The following CEP192 variants were observed in gnomAD, a reference collection of about 807,000 sequenced individuals.
The protein encoded by CEP192 is centrosomal protein of 192 kDa.
A neutral mutation model predicts 271.8 loss-of-function variants in CEP192; 151 were observed. The ratio of observed to expected loss-of-function variants is 0.56; its 90% confidence interval spans 0.49 to 0.64. The LOEUF (loss-of-function observed/expected upper bound fraction) is 0.64. Among genes scored for constraint, CEP192 ranks in the 30% least tolerant of loss-of-function variants. CEP192 has a pLI of 0.00. For missense variants in CEP192, 2,910 were observed against 3,020.5 expected (o/e 0.96, Z 0.86); for synonymous variants, 995 against 1,076.5 (o/e 0.92, Z 1.48).
intron 39 of CEP192, 87 bp downstream of exon 39, chr18:13,103,675 A>G (rs1352189829): frequency 9.6e-7 from 1 of 1,043,600 alleles, no homozygotes; most frequent in African/African-American, 1.6e-5. Flanking sequence ...GCATAGGTTG[A>G]TATTACTGGT....
At chr18:13,097,203 C>T (rs770265230) in intron 36 of CEP192, among the ~76,000 whole-genome samples, 1 of 152,176 alleles carries the variant, frequency 6.6e-6, no homozygotes, top group East Asian at 1.9e-4. Flanking sequence ...AGGTTCCTCA[C>T]AGCCCGCTTT....
At chr18:13,042,835 C>T (rs1358970031) in intron 15 of CEP192, among the ~76,000 whole-genome samples, 3 of 152,034 alleles carry the variant, frequency 2.0e-5, no homozygotes, top group Non-Finnish European at 4.4e-5. Flanking sequence ...GCTTTTATAT[C>T]CATTTGTATT....
chr18:13,086,525 C>A (rs918789081), intron 30 of CEP192, among the ~76,000 whole-genome samples: 1 of 152,156 alleles, frequency 6.6e-6, no homozygotes, highest in Admixed American at 6.5e-5. Context: ...CACTCTCTAA[C>A]CAGTCCCAGT....
intron 44 of CEP192, among the ~76,000 whole-genome samples, chr18:13,120,126 A>T (rs2040597849): frequency 6.6e-6 from 1 of 152,096 alleles, no homozygotes; most frequent in African/African-American, 2.4e-5. Flanking sequence ...TTCAGATTTG[A>T]CTCTTTCCAG....
intron 40 of CEP192, among the ~76,000 whole-genome samples, chr18:13,106,343 A>T (rs2039945134): frequency 6.6e-6 from 1 of 151,734 alleles, no homozygotes; most frequent in South Asian, 2.1e-4. Flanking sequence ...CATCTTCTGC[A>T]CAATGTTCAG....
intron 21 of CEP192, among the ~76,000 whole-genome samples, chr18:13,061,195 C>T (rs1272820950): frequency 6.6e-6 from 1 of 152,000 alleles, no homozygotes; most frequent in African/African-American, 2.4e-5. Context: ...TGGTGGCGGG[C>T]GCCTGTAATC....
rs1182766028 is a variant in CEP192 at position 13,087,153 on chromosome 18, C to T, written c.5753C>T (p.Thr1918Ile). ...AAAATTGTTTTTTCTGTCCGCAACA[C>T]TGGCTCCCGAGCAGCTTTTGTTAAA... ...ESKIVFSVRN[T>I]GSRAAFVKAV... The change falls in exon 31 of 45, where the codon ACT becomes ATT. Residue 1918 changes from threonine (T) to isoleucine (I), a missense_variant. By Grantham distance (89) the Thr-to-Ile change is moderately conservative. Coordinates refer to ENST00000506447, the MANE Select transcript of CEP192 (RefSeq NM_032142.4). The T allele has an allele frequency of 2.5e-6, 4 of 1,614,038 alleles. No individual in the cohort carries two copies. The highest frequency in any genetic ancestry group is 3.4e-6 in the Non-Finnish European group (4 of 1,180,014).
At chr18:13,058,977 A>G (rs1324976111) in intron 20 of CEP192, 105 bp from the exon 21 acceptor site, 4 of 739,834 alleles carry the variant, frequency 5.4e-6, no homozygotes, top group Non-Finnish European at 7.0e-6. Flanking sequence ...AAATGTTTTA[A>G]TTTGGCAGTT....
intron 1 of CEP192, among the ~76,000 whole-genome samples, chr18:12,998,029 A>C (rs1382340716): frequency 6.6e-6 from 1 of 152,138 alleles, no homozygotes; most frequent in African/African-American, 2.4e-5. Context: ...CTGGCCTCAT[A>C]ATCTCTTTAG....
intron 14 of CEP192, among the ~76,000 whole-genome samples, 175 bp downstream of exon 14, chr18:13,041,131 A>C (rs1449902826): frequency 1.3e-5 from 2 of 152,218 alleles, no homozygotes; most frequent in African/African-American, 2.4e-5. Flanking sequence ...TTTTCAATCT[A>C]AAGTGGAAAC....
At position 13,030,404 on chromosome 18, in the gene CEP192, A is replaced by C. The variant is rs528360943; in HGVS notation, c.1391-61A>C. The C allele has an allele frequency of 5.0e-6, 7 of 1,390,384 alleles. No homozygotes were observed. The African/African-American group carries it at 7.3e-5, about 14-fold the overall frequency. The allele number at this position is 1,390,384 out of a possible 1,614,324, so 86.1% of individuals were successfully genotyped here. A position where few individuals can be genotyped will look rare whatever the true frequency, so the allele number is the denominator to read the frequency against. ...CATCTGAATTTAAAAAAAATTGAGA[A>C]TGTTTTGTCATTTTAGTTGTTACAT... On this transcript the variant is annotated intron_variant, in intron 10 of 44. Coordinates refer to ENST00000506447, the MANE Select transcript of CEP192 (RefSeq NM_032142.4).
At chr18:13,027,656 G>A (rs571621617) in intron 9 of CEP192, among the ~76,000 whole-genome samples, 1 of 152,216 alleles carries the variant, frequency 6.6e-6, no homozygotes, top group South Asian at 2.1e-4. Context: ...TTTACTTGTT[G>A]TCGGGATGGA....
intron 9 of CEP192, among the ~76,000 whole-genome samples, chr18:13,022,142 G>T (rs1299565596): frequency 1.3e-5 from 2 of 152,038 alleles, no homozygotes; most frequent in Non-Finnish European, 2.9e-5. Context: ...TTGCTTCATC[G>T]TGTTGCCATT....
At chr18:13,044,420 T>TTTTTG (rs138507297) in intron 15 of CEP192, among the ~76,000 whole-genome samples, 34,053 of 151,490 alleles carry the variant, frequency 0.22, 4,123 homozygotes, top group East Asian at 0.44. Context: ...TGGTGTAAGG[T>TTTTTG]TTTTGTTTTG....
chr18:13,034,964 G>A (rs2035841174), intron 11 of CEP192, among the ~76,000 whole-genome samples: 1 of 152,282 alleles, frequency 6.6e-6, no homozygotes, highest in Middle Eastern at 3.4e-3. Flanking sequence ...ACACAAATGG[G>A]CTGCTTCCAC....
intron 11 of CEP192, among the ~76,000 whole-genome samples, chr18:13,036,844 G>A (rs1387403609): frequency 6.6e-6 from 1 of 152,214 alleles, no homozygotes; most frequent in African/African-American, 2.4e-5. Flanking sequence ...GGGCACGCTT[G>A]TAGCCATCTT....
At chr18:13,092,307 AAT>A (rs1442324117) in intron 33 of CEP192, 68 bp from the exon 34 acceptor site, 1 of 1,088,414 alleles carries the variant, frequency 9.2e-7, no homozygotes, top group Non-Finnish European at 1.3e-6. Flanking sequence ...TAAATATACA[AAT>A]GTATCTGTTA....
chr18:13,041,956 A>G (rs554064732), intron 14 of CEP192, among the ~76,000 whole-genome samples: 1 of 152,348 alleles, frequency 6.6e-6, no homozygotes, highest in South Asian at 2.1e-4. Flanking sequence ...GTGTATTTGC[A>G]AGGGAAAGAT....
chr18:13,055,631 G>A (rs2037053040), intron 18 of CEP192, 149 bp from the exon 19 acceptor site: 2 of 551,422 alleles, frequency 3.6e-6, no homozygotes, highest in South Asian at 5.6e-5. Context: ...TTTCACAACT[G>A]CAAGACTACT....
Sources: allele counts gnomAD v4.1 joint callset (sites outside exome capture counted in the v4.1 genomes callset), GRCh38; gene constraint gnomAD v4.1.1; transcripts MANE v1.5; gene names NCBI Gene and HGNC (gene_info 2026-07-23, HGNC 2026-07-21).